NALF1: variants seen among roughly 807,000 people sequenced by gnomAD.
NALF1 encodes family with sequence similarity 155 member A.
NALF1 carries 3 observed loss-of-function variants against 48.4 expected under a neutral mutation model. That is an observed-to-expected ratio of 0.06 (90% CI 0.03 to 0.16). The LOEUF is 0.16. Ranked by LOEUF, NALF1 falls within the 10% of genes least tolerant of loss-of-function variation. The pLI is 1.00. For missense variants in NALF1, 526 were observed against 571.5 expected, an observed-to-expected ratio of 0.92 and a Z score of 0.81; for synonymous variants, 262 against 245.7, an observed-to-expected ratio of 1.07 and a Z score of -0.62.
intron 1 of NALF1, among the ~76,000 whole-genome samples, chr13:107,410,299 C>A (rs992496320): frequency 3.9e-5 from 6 of 152,228 alleles, no homozygotes; most frequent in South Asian, 2.1e-4. Flanking sequence ...CCACACCCTG[C>A]AGGTTTTTCC....
At chr13:107,494,020 G>A (rs75391413) in intron 1 of NALF1, among the ~76,000 whole-genome samples, 1,958 of 151,394 alleles carry the variant, frequency 0.013, 38 homozygotes, top group South Asian at 0.036. Flanking sequence ...TCTATACATA[G>A]GTCTAATGAT....
intron 1 of NALF1, among the ~76,000 whole-genome samples, chr13:107,443,160 T>TATC (rs1884589680): frequency 6.9e-6 from 1 of 144,450 alleles, no homozygotes; most frequent in Non-Finnish European, 1.5e-5. Flanking sequence ...TATTATTTAT[T>TATC]TATCTAACAA....
At chr13:107,194,248 T>C (rs1434659096) in intron 2 of NALF1, among the ~76,000 whole-genome samples, 2 of 152,152 alleles carry the variant, frequency 1.3e-5, no homozygotes, top group African/African-American at 4.8e-5. Flanking sequence ...AGATCATTCA[T>C]CTTGAGCGCT....
intron 1 of NALF1, among the ~76,000 whole-genome samples, chr13:107,307,626 CT>C (rs1249477670): frequency 9.2e-6 from 1 of 108,446 alleles, no homozygotes; most frequent in African/African-American, 3.1e-5. Flanking sequence ...TGGATGATTC[CT>C]TTTTTATTAA....
At chr13:107,483,956 G>T (rs890870221) in intron 1 of NALF1, among the ~76,000 whole-genome samples, 6 of 151,966 alleles carry the variant, frequency 3.9e-5, no homozygotes, top group African/African-American at 1.2e-4. Context: ...CTAAGGAATA[G>T]TTACTATTGG....
chr13:107,279,730 G>A (rs1881351028), intron 1 of NALF1, among the ~76,000 whole-genome samples: 2 of 151,944 alleles, frequency 1.3e-5, no homozygotes, highest in Admixed American at 1.3e-4. Context: ...CCTCAATCTT[G>A]CTTTTTTGCA....
chr13:107,820,567 T>C (rs149912037), intron 1 of NALF1, among the ~76,000 whole-genome samples: 6 of 152,308 alleles, frequency 3.9e-5, no homozygotes, highest in African/African-American at 1.4e-4. Flanking sequence ...CAGAAGCTTA[T>C]GGTGTTTAGG....
At chr13:107,843,742 A>G (rs1268681799) in intron 1 of NALF1, among the ~76,000 whole-genome samples, 1 of 152,150 alleles carries the variant, frequency 6.6e-6, no homozygotes, top group African/African-American at 2.4e-5. Context: ...GGCCAGAATG[A>G]CCAAAAATCA....
intron 1 of NALF1, among the ~76,000 whole-genome samples, chr13:107,539,697 G>A (rs1465032747): frequency 1.3e-5 from 2 of 152,128 alleles, no homozygotes; most frequent in South Asian, 2.1e-4. Flanking sequence ...AAATGACTGT[G>A]TTGACATTAT....
At chr13:107,273,264 C>A (rs1380961216) in intron 1 of NALF1, among the ~76,000 whole-genome samples, 1 of 152,176 alleles carries the variant, frequency 6.6e-6, no homozygotes, top group East Asian at 1.9e-4. Flanking sequence ...TTTTGTCCTC[C>A]TATTTCTCCA....
At chr13:107,501,920 T>C (rs1594097612) in intron 1 of NALF1, among the ~76,000 whole-genome samples, 1 of 152,190 alleles carries the variant, frequency 6.6e-6, no homozygotes, top group African/African-American at 2.4e-5. Flanking sequence ...GGCTCTGTTT[T>C]AGTGAAGGCA....
chr13:107,241,763 C>G (rs1013257917), intron 1 of NALF1, among the ~76,000 whole-genome samples: 1 of 152,140 alleles, frequency 6.6e-6, no homozygotes, highest in African/African-American at 2.4e-5. Context: ...ACACTCGGTT[C>G]CTTTACCTGC....
chr13:107,477,698 T>A (rs900926037), intron 1 of NALF1, among the ~76,000 whole-genome samples: 16 of 152,238 alleles, frequency 1.1e-4, no homozygotes, highest in East Asian at 7.7e-4. Flanking sequence ...CTCTTTTTTT[T>A]AAAATAATTT....
chr13:107,637,451 T>TTA (rs1451580165), intron 1 of NALF1, among the ~76,000 whole-genome samples: 1 of 152,170 alleles, frequency 6.6e-6, no homozygotes, highest in East Asian at 1.9e-4. Flanking sequence ...CTTCTCTGTG[T>TTA]TATATTCTAA....
chr13:107,551,121 C>T (rs1355498675), intron 1 of NALF1, among the ~76,000 whole-genome samples: 3 of 152,058 alleles, frequency 2.0e-5, no homozygotes, highest in Admixed American at 6.6e-5. Context: ...TCTCTCTGGT[C>T]GTACTGCGTC....
chr13:107,174,151 C>T (rs575398798), intron 2 of NALF1, among the ~76,000 whole-genome samples: 1 of 152,070 alleles, frequency 6.6e-6, no homozygotes, highest in South Asian at 2.1e-4. Flanking sequence ...TGAATAAATT[C>T]CCTCCATTTT....
chr13:107,277,264 G>C (rs192666126), intron 1 of NALF1, among the ~76,000 whole-genome samples: 2 of 151,982 alleles, frequency 1.3e-5, no homozygotes, highest in East Asian at 3.9e-4. Context: ...GTGTCTCCTT[G>C]TCTATATAAA....
intron 1 of NALF1, among the ~76,000 whole-genome samples, chr13:107,292,987 T>TTTTTCTTTTTC (rs1441993719): frequency 3.1e-5 from 2 of 64,576 alleles, no homozygotes; most frequent in African/African-American, 8.6e-5. Flanking sequence ...ATAGTTTTTC[T>TTTTTCTTTTTC]TTTTCTTTTT....
At chr13:107,796,779 T>C (rs1325870392) in intron 1 of NALF1, among the ~76,000 whole-genome samples, 3 of 152,180 alleles carry the variant, frequency 2.0e-5, no homozygotes, top group Non-Finnish European at 4.4e-5. Flanking sequence ...AATATCATTC[T>C]GAATTATCAG....
Sources: allele counts gnomAD v4.1 joint callset (sites outside exome capture counted in the v4.1 genomes callset), GRCh38; gene constraint gnomAD v4.1.1; transcripts MANE v1.5; gene names NCBI Gene and HGNC (gene_info 2026-07-23, HGNC 2026-07-21).